ADGRL3: variants seen among roughly 807,000 people sequenced by gnomAD.
ADGRL3 encodes the protein calcium-independent alpha-latrotoxin receptor 3.
In ADGRL3, 62 loss-of-function variants were observed where a neutral mutation model predicts 153.5. The observed-to-expected ratio is 0.40, with a 90% CI of 0.33 to 0.50. The LOEUF (loss-of-function observed/expected upper bound fraction) is 0.50. ADGRL3 is among the 20% of genes least tolerant of loss of function. The pLI is 0.47. For missense variants in ADGRL3, 1,641 were observed against 1,859.4 expected (o/e 0.88, Z 2.16); for synonymous variants, 710 against 672.5 (o/e 1.06, Z -0.86).
chr4:61,849,762 T>C (rs1246912482), intron 9 of ADGRL3, among the ~76,000 whole-genome samples: 1 of 152,156 alleles, frequency 6.6e-6, no homozygotes, highest in East Asian at 1.9e-4. Context: ...CAGCTGTGAC[T>C]TTATTTCTTA....
intron 4 of ADGRL3, among the ~76,000 whole-genome samples, chr4:61,583,129 T>G (rs1416373915): frequency 1.3e-5 from 2 of 152,092 alleles, no homozygotes; most frequent in African/African-American, 2.4e-5. Flanking sequence ...CTTATTGATA[T>G]GTTTTGTCCC....
intron 1 of ADGRL3, among the ~76,000 whole-genome samples, chr4:61,339,152 T>C (rs533956072): frequency 6.6e-6 from 1 of 152,342 alleles, no homozygotes; most frequent in Admixed American, 6.5e-5. Context: ...CCAAAGATGC[T>C]TGACTTCTCA....
intron 2 of ADGRL3, among the ~76,000 whole-genome samples, chr4:61,464,423 C>T (rs988038042): frequency 2.6e-5 from 4 of 152,064 alleles, no homozygotes; most frequent in African/African-American, 7.2e-5. Context: ...AAATCAGGCT[C>T]CCTCAATTGA....
At position 61,764,226 on chromosome 4, in the gene ADGRL3, G is replaced by A. The variant is rs191398879; in HGVS notation, c.1399+30672G>A. 1.2e-3 allele frequency among the ~76,000 whole-genome samples: 188 copies of A among 152,196 alleles called. 3 individuals are homozygous for A. The highest frequency in any genetic ancestry group is 2.5e-3 in the South Asian group (12 of 4,826). On this transcript the variant is annotated intron_variant, in intron 8 of 26. Transcript: ENST00000683033. ...TATACATATACAAGTTTTCATGTGC[G>A]TCCGTGTGAAGAGACCACCAAACAG...
intron 2 of ADGRL3, among the ~76,000 whole-genome samples, chr4:61,471,332 A>G (rs542257218): frequency 6.6e-5 from 10 of 151,992 alleles, no homozygotes; most frequent in African/African-American, 2.4e-4. Context: ...AAATTACATA[A>G]AATGCATTTA....
chr4:61,258,706 G>A (rs1007858430), intron 1 of ADGRL3, among the ~76,000 whole-genome samples: 6 of 152,148 alleles, frequency 3.9e-5, no homozygotes, highest in African/African-American at 7.2e-5. Flanking sequence ...CAGTGGGAGC[G>A]TACACCCAGT....
At chr4:61,228,775 C>T (rs1056345761) in intron 1 of ADGRL3, among the ~76,000 whole-genome samples, 4 of 152,204 alleles carry the variant, frequency 2.6e-5, no homozygotes, top group African/African-American at 9.6e-5. Flanking sequence ...TCACTGCAAA[C>T]TCTACCTCCC....
chr4:61,384,693 C>T (rs1273354250), intron 2 of ADGRL3, among the ~76,000 whole-genome samples: 1 of 151,942 alleles, frequency 6.6e-6, no homozygotes, highest in African/African-American at 2.4e-5. Flanking sequence ...CTGAATCTTT[C>T]TCTTTTCTAC....
In ADGRL3 at chr4:62,077,339, A is replaced by C. The variant is rs937789309; in HGVS notation, c.*6431A>C. 1 of 152,000 alleles carries C rather than the reference A, an allele frequency of 6.6e-6. No individual in the cohort carries two copies. The highest frequency in any genetic ancestry group is 2.4e-5 in the African/African-American group (1 of 41,442). 9.4% of individuals were successfully genotyped at this position (152,000 alleles called of 1,614,324 possible). A position where few individuals can be genotyped will look rare whatever the true frequency, so the allele number is the denominator to read the frequency against. On this transcript the variant is annotated 3_prime_UTR_variant, in exon 27 of 27. Coordinates refer to ENST00000683033, the MANE Select transcript of ADGRL3 (RefSeq NM_001387552.1). ...CAAAATCAGAGGATTTTAAATCTTA[A>C]AGGAGTTAAGTTTGTCTCAATGATC...
At chr4:61,997,142 A>G (rs2099124457) in intron 20 of ADGRL3, among the ~76,000 whole-genome samples, 1 of 152,042 alleles carries the variant, frequency 6.6e-6, no homozygotes, top group South Asian at 2.1e-4. Context: ...GTAATACACA[A>G]TAACCCTAGT....
chr4:61,766,197 C>T (rs1370722999), intron 8 of ADGRL3, among the ~76,000 whole-genome samples: 1 of 151,980 alleles, frequency 6.6e-6, no homozygotes, highest in Non-Finnish European at 1.5e-5. Context: ...GGGCCAGGAA[C>T]AACGGTAATT....
intron 8 of ADGRL3, among the ~76,000 whole-genome samples, chr4:61,768,034 G>T (rs62304368): frequency 8.2e-4 from 125 of 152,034 alleles, no homozygotes; most frequent in African/African-American, 2.8e-3. Context: ...CCTTTTAGGG[G>T]CTAGGGCTGT....
chr4:62,061,132 T>G (rs1192389326), intron 25 of ADGRL3, among the ~76,000 whole-genome samples: 2 of 151,936 alleles, frequency 1.3e-5, no homozygotes, highest in African/African-American at 2.4e-5. Flanking sequence ...AGTTATAATT[T>G]AGAAAAGATT....
chr4:61,748,197 T>G (rs1035944720), intron 8 of ADGRL3, among the ~76,000 whole-genome samples: 2 of 151,924 alleles, frequency 1.3e-5, no homozygotes, highest in Admixed American at 6.6e-5. Flanking sequence ...CACTGCTCAA[T>G]GAAATAAAAG....
intron 9 of ADGRL3, among the ~76,000 whole-genome samples, chr4:61,872,958 G>C (rs542337969): frequency 4.6e-5 from 7 of 152,218 alleles, no homozygotes; most frequent in African/African-American, 1.4e-4. Flanking sequence ...TCAGTTCTTT[G>C]TTTAAAATGC....
intron 1 of ADGRL3, among the ~76,000 whole-genome samples, chr4:61,369,144 T>G (rs1333453787): frequency 6.6e-6 from 1 of 152,004 alleles, no homozygotes; most frequent in Non-Finnish European, 1.5e-5. Context: ...GACAATGGGG[T>G]TTTCTAGATA....
chr4:61,976,689 G>A (rs2099049241), intron 17 of ADGRL3, among the ~76,000 whole-genome samples: 1 of 152,274 alleles, frequency 6.6e-6, no homozygotes, highest in Middle Eastern at 3.4e-3. Context: ...ATAAATGGGA[G>A]TTCCCCTGCA....
chr4:61,824,906 A>G (rs1199008976), intron 9 of ADGRL3, among the ~76,000 whole-genome samples: 3 of 151,960 alleles, frequency 2.0e-5, no homozygotes, highest in Admixed American at 1.3e-4. Flanking sequence ...CTTTTTTGAG[A>G]TCTTTTAGTA....
At chr4:61,775,614 C>A in intron 8 of ADGRL3, 2 of 1,266,250 alleles carry the variant, frequency 1.6e-6, no homozygotes, top group Admixed American at 3.4e-5. Context: ...TGTCATCAAC[C>A]TTAATTAGGT....
Sources: allele counts gnomAD v4.1 joint callset (sites outside exome capture counted in the v4.1 genomes callset), GRCh38; gene constraint gnomAD v4.1.1; transcripts MANE v1.5; gene names NCBI Gene and HGNC (gene_info 2026-07-23, HGNC 2026-07-21).